DIXDC1: variants seen among roughly 807,000 people sequenced by gnomAD.
The protein encoded by DIXDC1 is dixin.
DIXDC1 carries 64 observed loss-of-function variants against 103.1 expected under a neutral mutation model. The observed-to-expected ratio is 0.62, with a 90% CI of 0.51 to 0.76. The LOEUF (loss-of-function observed/expected upper bound fraction) is 0.76, where lower values mean the gene tolerates loss of function less well. Among genes scored for constraint, DIXDC1 ranks in the 30% least tolerant of loss-of-function variants. The pLI is 0.00. For synonymous variants in DIXDC1, 266 were observed against 298.5 expected (o/e 0.89, Z 1.12); for missense variants, 759 against 834.2 (o/e 0.91, Z 1.11).
At position 111,958,866 on chromosome 11, in the gene DIXDC1, C is replaced by T. The variant is rs587757733; in HGVS notation, c.61-5683C>T. On this transcript the variant is annotated intron_variant, in intron 1 of 19. Coordinates refer to ENST00000440460, the MANE Select transcript of DIXDC1 (RefSeq NM_001037954.4). The surrounding 1 kb of genome is among the most constrained non-coding windows in gnomAD (Gnocchi z 4.2). The stretch of plus-strand genomic sequence containing the variant: ...GGAAAATGATGGGACGACCTGCCTG[C>T]GGAGAGGAGCTACCCACTCCAGGGT... Among the ~76,000 whole-genome samples the T allele has an allele frequency of 1.3e-4, 20 of 152,244 alleles. No individual in the cohort carries two copies. The South Asian group carries it at 1.5e-3, about 11-fold the overall frequency.
intron 17 of DIXDC1, among the ~76,000 whole-genome samples, chr11:112,006,420 T>C (rs1471690432): frequency 1.3e-5 from 2 of 152,232 alleles, no homozygotes; most frequent in Non-Finnish European, 2.9e-5. Flanking sequence ...CTGACAGCTC[T>C]GAAGAGAGCA....
chr11:111,993,780 G>A, intron 14 of DIXDC1, 40 bp downstream of exon 14: 1 of 1,603,824 alleles, frequency 6.2e-7, no homozygotes, highest in South Asian at 1.1e-5. Context: ...CATTTATGAA[G>A]CAAACGGGGA....
At chr11:111,986,055 T>G (rs2137561750) in intron 8 of DIXDC1, among the ~76,000 whole-genome samples, 1 of 152,298 alleles carries the variant, frequency 6.6e-6, no homozygotes, top group South Asian at 2.1e-4. Context: ...CTTTATCCAG[T>G]TTTCTCCATT....
At chr11:111,988,397 A>G (rs909574757) in intron 9 of DIXDC1, among the ~76,000 whole-genome samples, 1 of 152,152 alleles carries the variant, frequency 6.6e-6, no homozygotes, top group African/African-American at 2.4e-5. Context: ...ATAGGAAGAG[A>G]AGAGATTGGG....
intron 7 of DIXDC1, among the ~76,000 whole-genome samples, chr11:111,983,854 C>T (rs1403097674): frequency 3.3e-5 from 5 of 152,170 alleles, no homozygotes; most frequent in Non-Finnish European, 7.3e-5. Context: ...CAAAAGGGCT[C>T]ACAGCATCCA....
At chr11:111,990,938 C>G (rs1860692893) in intron 10 of DIXDC1, among the ~76,000 whole-genome samples, 1 of 152,160 alleles carries the variant, frequency 6.6e-6, no homozygotes, top group African/African-American at 2.4e-5. Context: ...AACTCCTGAC[C>G]TCGTGATCCG....
chr11:111,937,324 A>T, upstream of DIXDC1: 1 of 1,378,992 alleles, frequency 7.3e-7, no homozygotes, highest in Non-Finnish European at 9.4e-7. Flanking sequence ...CCGTGCGAGC[A>T]TGCCCAGTGC....
intron 1 of DIXDC1, among the ~76,000 whole-genome samples, chr11:111,951,084 T>C (rs1201085139): frequency 6.6e-6 from 1 of 151,798 alleles, no homozygotes; most frequent in East Asian, 1.9e-4. Context: ...GAAATGACAA[T>C]AGAAAAATAG....
chr11:111,939,063 G>A (rs1007501688), intron 1 of DIXDC1, among the ~76,000 whole-genome samples: 3 of 152,192 alleles, frequency 2.0e-5, no homozygotes, highest in Admixed American at 6.5e-5. Context: ...CTTTAGCTGC[G>A]TAAGTCTGAC....
chr11:111,952,150 G>C (rs1292820364), intron 1 of DIXDC1, among the ~76,000 whole-genome samples: 1 of 152,174 alleles, frequency 6.6e-6, no homozygotes, highest in Non-Finnish European at 1.5e-5. Context: ...ATAGGCATGA[G>C]CCACCATGCC....
intron 17 of DIXDC1, among the ~76,000 whole-genome samples, chr11:112,012,270 A>G (rs782468001): frequency 6.6e-6 from 1 of 152,368 alleles, no homozygotes; most frequent in Admixed American, 6.5e-5. Flanking sequence ...AAATGGTGAA[A>G]AAGATGAACA....
At chr11:112,015,515 A>T (rs1418064267) in intron 17 of DIXDC1, 1 of 152,150 alleles carries the variant, frequency 6.6e-6, no homozygotes, top group Non-Finnish European at 1.5e-5. Context: ...TAAAAGGTAG[A>T]GACAGTCCAG....
rs1555170731 is a variant in DIXDC1 at position 111,958,133 on chromosome 11, C to T, written c.61-6416C>T. 6.6e-6 allele frequency among the ~76,000 whole-genome samples: 1 copy of T among 151,962 alleles called. No individual in the cohort carries two copies. The highest frequency in any genetic ancestry group is 1.9e-4 in the East Asian group (1 of 5,176). On this transcript the variant is annotated intron_variant, in intron 1 of 19. Coordinates refer to ENST00000440460, the MANE Select transcript of DIXDC1 (RefSeq NM_001037954.4). The surrounding 1 kb of genome is among the most constrained non-coding windows in gnomAD (Gnocchi z 4.2). ...GGGCGCAGCTGCAGTCACCAGAGCC[C>T]TAGCTGTGGACCCAGGCATCCCTGT...
chr11:111,986,933 A>G lies in DIXDC1; in HGVS notation c.1062+9A>G, dbSNP rs1860511681. The G allele has an allele frequency of 6.4e-7, 1 of 1,569,314 alleles. No homozygotes were observed. The highest frequency in any genetic ancestry group is 8.7e-7 in the Non-Finnish European group (1 of 1,155,652). ...AGAATCAGGACTTAAAGGTATGTCA[A>G]GACATGTACATTTTACCCCTTAAAA... On this transcript the variant is annotated intron_variant, in intron 9 of 19. Transcript: ENST00000440460.
intron 14 of DIXDC1, among the ~76,000 whole-genome samples, chr11:111,994,394 AACAT>A (rs1293087353): frequency 4.7e-5 from 7 of 150,312 alleles, no homozygotes; most frequent in Non-Finnish European, 7.4e-5. Context: ...AACAAAACAA[AACAT>A]ACATATATAT....
At chr11:112,009,988 G>C (rs948887100) in intron 17 of DIXDC1, among the ~76,000 whole-genome samples, 11 of 152,068 alleles carry the variant, frequency 7.2e-5, no homozygotes, top group Non-Finnish European at 1.2e-4. Context: ...AGAAATAAAG[G>C]GTATTCAATT....
intron 1 of DIXDC1, among the ~76,000 whole-genome samples, chr11:111,953,648 A>C (rs897142194): frequency 5.9e-5 from 9 of 152,262 alleles, no homozygotes; most frequent in Non-Finnish European, 1.0e-4. Context: ...ATCAATCAAT[A>C]AATAAAATCA....
chr11:111,979,775 G>A (rs1231265227), intron 5 of DIXDC1, among the ~76,000 whole-genome samples: 2 of 152,056 alleles, frequency 1.3e-5, no homozygotes, highest in Non-Finnish European at 2.9e-5. Context: ...TGGGTAACAC[G>A]GGGAGAACTT....
At chr11:111,937,130 GC>G (rs1264559123), upstream of DIXDC1, 3,420 of 676,062 alleles carry the variant, frequency 5.1e-3, 303 homozygotes, top group African/African-American at 0.051. Context: ...TGCGGCCCGG[GC>G]GGGGGGGGGG....
Sources: gnomAD v4.1 joint callset for allele counts (sites outside exome capture counted in the v4.1 genomes callset) on GRCh38, gnomAD v4.1.1 for gene constraint, Gnocchi (gnomAD v3.1) non-coding constraint, MANE v1.5 for transcripts, NCBI Gene and HGNC (gene_info 2026-07-23, HGNC 2026-07-21) for gene names.